The following ICA1L variants were observed in gnomAD, a reference collection of about 807,000 sequenced individuals.
ICA1L encodes the protein islet cell autoantigen 1 like.
ICA1L carries 50 observed loss-of-function variants against 61.3 expected under a neutral mutation model. The observed-to-expected ratio is 0.82, with a 90% CI of 0.65 to 1.03. ICA1L has a LOEUF of 1.03. Ranked by LOEUF, ICA1L falls within the 50% of genes least tolerant of loss-of-function variation. The pLI is 0.00. For synonymous variants in ICA1L, 161 were observed against 191.3 expected, an observed-to-expected ratio of 0.84 and a Z score of 1.31; for missense variants, 508 against 556.7, an observed-to-expected ratio of 0.91 and a Z score of 0.88.
At chr2:202,828,720 AC>A (rs929935788) in intron 2 of ICA1L, 127 bp downstream of exon 2, 2 of 810,490 alleles carry the variant, frequency 2.5e-6, no homozygotes, top group African/African-American at 3.5e-5. Flanking sequence ...GATGGATACA[AC>A]TAAACATTCT....
intron 8 of ICA1L, among the ~76,000 whole-genome samples, chr2:202,813,972 A>C (rs1225458826): frequency 6.6e-6 from 1 of 152,170 alleles, no homozygotes; most frequent in African/African-American, 2.4e-5. Flanking sequence ...GGCTCTTAAT[A>C]CAAGGCTCTA....
chr2:202,773,834 G>A lies in ICA1L; in HGVS notation c.*5699C>T. ...AAAAGCAAAGGCTAGCTGTGCAAGT[G>A]CAGCCCTGTGGGAAGTTTTCTTCTA... is the stretch of plus-strand genomic sequence containing the variant. On this transcript the variant is annotated 3_prime_UTR_variant, in exon 13 of 13. Transcript: ENST00000358299. 1.5e-6 allele frequency: 2 copies of A among 1,372,412 alleles called. No homozygotes were observed. The highest frequency in any genetic ancestry group is 2.1e-6 in the Non-Finnish European group (2 of 962,944). 85.0% of individuals were successfully genotyped at this position (1,372,412 alleles called of 1,614,324 possible).
Position 202,773,810 on chromosome 2 carries a change from A to G in ICA1L, c.*5723T>C. On this transcript the variant is annotated 3_prime_UTR_variant, in exon 13 of 13. Transcript: ENST00000358299. ...TGGTAATAGGCAAGAGCAGGCTGTAAAAGCAAAGGCTAGCTGTGCAAGTGC... is the reference window on the plus strand; with the variant it reads ...TGGTAATAGGCAAGAGCAGGCTGTAGAAGCAAAGGCTAGCTGTGCAAGTGC... 7.2e-7 allele frequency: 1 copy of G among 1,398,066 alleles called. No individual in the cohort carries two copies. Among genetic ancestry groups the G allele is most frequent in the Non-Finnish European group, 1.0e-6 (1 of 985,920 alleles). 86.6% of individuals were successfully genotyped at this position (1,398,066 alleles called of 1,614,324 possible).
chr2:202,787,004 C>G (rs1471192969), intron 11 of ICA1L, among the ~76,000 whole-genome samples: 1 of 152,074 alleles, frequency 6.6e-6, no homozygotes, highest in East Asian at 1.9e-4. Context: ...ATCTGAGGCC[C>G]AATGTAGACA....
chr2:202,828,983 T>A lies in ICA1L; in HGVS notation c.27A>T (p.Pro9=), dbSNP rs780586634. The A allele has an allele frequency of 6.3e-7, 1 of 1,593,974 alleles. No homozygotes were observed. MDSFGQPR[P]EDNQSVVRRM... ...TTCTGACTACTGACTGATTATCTTC[T>A]GGTCTGGGTTGCCCAAAGGAATCCA... The change falls in exon 2 of 13, where the codon CCA becomes CCT. Residue 9 remains proline, a synonymous_variant. Coordinates refer to ENST00000358299, the MANE Select transcript of ICA1L (RefSeq NM_001288622.3).
At chr2:202,788,792 G>C in intron 11 of ICA1L, 38 bp downstream of exon 11, 1 of 1,609,958 alleles carries the variant, frequency 6.2e-7, no homozygotes. Flanking sequence ...CAAAGATAAA[G>C]TAAAGCACAT....
intron 10 of ICA1L, among the ~76,000 whole-genome samples, chr2:202,791,775 G>A (rs772723824): frequency 2.6e-5 from 4 of 152,156 alleles, no homozygotes; most frequent in Non-Finnish European, 4.4e-5. Context: ...AACTTGGGAG[G>A]TGGAGGTTGC....
intron 4 of ICA1L, among the ~76,000 whole-genome samples, chr2:202,820,373 TC>T (rs1400170503): frequency 1.4e-5 from 2 of 145,058 alleles, no homozygotes; most frequent in Non-Finnish European, 3.0e-5. Flanking sequence ...AAACTCCATC[TC>T]AAAAAAAAAA....
chr2:202,829,927 G>T (rs1340217455), intron 1 of ICA1L, among the ~76,000 whole-genome samples: 1 of 152,040 alleles, frequency 6.6e-6, no homozygotes, highest in African/African-American at 2.4e-5. Flanking sequence ...TAATCGCTAT[G>T]TCAAACATCC....
At chr2:202,801,657 AAAC>A (rs1221599617) in intron 9 of ICA1L, among the ~76,000 whole-genome samples, 1 of 152,260 alleles carries the variant, frequency 6.6e-6, no homozygotes, top group Non-Finnish European at 1.5e-5. Context: ...TGTTAGAAGT[AAAC>A]AACAACAAAA....
intron 1 of ICA1L, among the ~76,000 whole-genome samples, chr2:202,853,920 A>C (rs895768432): frequency 3.3e-5 from 5 of 152,192 alleles, no homozygotes; most frequent in African/African-American, 1.2e-4. Flanking sequence ...AAAAACCAGT[A>C]CCAGCCACTG....
At chr2:202,806,241 C>A (rs961912840) in intron 9 of ICA1L, among the ~76,000 whole-genome samples, 1 of 152,126 alleles carries the variant, frequency 6.6e-6, no homozygotes, top group African/African-American at 2.4e-5. Context: ...CTTTGTCTTG[C>A]AACTTGGATA....
In ICA1L at chr2:202,815,894, C is replaced by A; in HGVS notation, c.783+17G>T. On this transcript the variant is annotated intron_variant, in intron 7 of 12. Transcript: ENST00000358299. ...AGAGTAATACATCTAAACAAGAGAA[C>A]ATGGAACACAATGTACCTTGAGAGC... The A allele has an allele frequency of 6.8e-7, 1 of 1,466,816 alleles. No homozygotes were observed. The highest frequency in any genetic ancestry group is 9.2e-7 in the Non-Finnish European group (1 of 1,085,636). The allele number at this position is 1,466,816 out of a possible 1,614,324, so 90.9% of individuals were successfully genotyped here.
At position 202,779,429 on chromosome 2, in the gene ICA1L, A is replaced by C. The variant is rs1692324473; in HGVS notation, c.*104T>G. ...TGGCTGACAGGTGTTATATTCACAA[A>C]CACCGTGCTTTTGTGTGCGGGTTAC... On this transcript the variant is annotated 3_prime_UTR_variant, in exon 13 of 13. Coordinates refer to ENST00000358299, the MANE Select transcript of ICA1L (RefSeq NM_001288622.3). 1 of 645,018 alleles carries C rather than the reference A, an allele frequency of 1.6e-6. No homozygotes were observed. Among genetic ancestry groups the C allele is most frequent in the Admixed American group, 3.2e-5 (1 of 31,688 alleles). The allele number at this position is 645,018 out of a possible 1,614,324, so 40.0% of individuals were successfully genotyped here.
At chr2:202,834,064 C>T (rs1328960475) in intron 1 of ICA1L, among the ~76,000 whole-genome samples, 1 of 151,836 alleles carries the variant, frequency 6.6e-6, no homozygotes, top group Non-Finnish European at 1.5e-5. Flanking sequence ...AGTGTTCTTA[C>T]CACAAAAAAA....
At chr2:202,795,267 A>G (rs1190142411) in intron 10 of ICA1L, among the ~76,000 whole-genome samples, 1 of 152,084 alleles carries the variant, frequency 6.6e-6, no homozygotes, top group Non-Finnish European at 1.5e-5. Flanking sequence ...CTGGGATTAC[A>G]GGCGTGAGCC....
At chr2:202,832,254 C>A (rs1694030458) in intron 1 of ICA1L, among the ~76,000 whole-genome samples, 1 of 151,960 alleles carries the variant, frequency 6.6e-6, no homozygotes, top group African/African-American at 2.4e-5. Context: ...AAACACTAGA[C>A]ATATAAAGAA....
Position 202,785,977 on chromosome 2 carries a change from C to G in ICA1L, c.1274G>C (p.Cys425Ser), listed in dbSNP as rs781664016. Reference sequence around the variant, plus strand: ...TGGCTGGTTATCAGTGTGTGAAAGACAAAGTTCTGATTCCTCTTGGGAGAC... The same window carrying G: ...TGGCTGGTTATCAGTGTGTGAAAGAGAAAGTTCTGATTCCTCTTGGGAGAC... ...NWVSQEESEL[C>S]LSHTDNQPVP... Residue 425 changes from cysteine (C) to serine (S), a missense_variant, in exon 12 of 13, where the codon TGT becomes TCT. Cys to Ser is a moderately radical substitution (Grantham distance 112). Transcript: ENST00000358299. 3 of 1,609,604 alleles carry G rather than the reference C, an allele frequency of 1.9e-6. No individual in the cohort carries two copies. The highest frequency in any genetic ancestry group is 1.1e-5 in the South Asian group (1 of 90,526).
intron 1 of ICA1L, among the ~76,000 whole-genome samples, chr2:202,868,958 A>T (rs1205562971): frequency 6.6e-6 from 1 of 151,950 alleles, no homozygotes; most frequent in Non-Finnish European, 1.5e-5. Flanking sequence ...ACAGAGCAAG[A>T]CTCTGTCTCA....
Sources: gnomAD v4.1 joint callset for allele counts (sites outside exome capture counted in the v4.1 genomes callset) on GRCh38, gnomAD v4.1.1 for gene constraint, MANE v1.5 for transcripts, NCBI Gene and HGNC (gene_info 2026-07-23, HGNC 2026-07-21) for gene names.